The following FRMD6 variants were observed in gnomAD, a reference collection of about 807,000 sequenced individuals.
FRMD6 encodes FERM domain containing 6, also known as FERM domain-containing protein 6.
In FRMD6, 37 loss-of-function variants were observed where a neutral mutation model predicts 73.2. That is an observed-to-expected ratio of 0.51 (90% CI 0.39 to 0.66). The LOEUF is 0.66. Among genes scored for constraint, FRMD6 ranks in the 30% least tolerant of loss-of-function variants. The pLI is 0.00. For synonymous variants in FRMD6, 273 were observed against 282.2 expected (o/e 0.97, Z 0.33); for missense variants, 714 against 780.5 (o/e 0.91, Z 1.02).
chr14:51,699,863 A>G (rs1484822291), intron 3 of FRMD6, among the ~76,000 whole-genome samples: 2 of 151,990 alleles, frequency 1.3e-5, no homozygotes, highest in African/African-American at 2.4e-5. Flanking sequence ...GGTCTTGTTT[A>G]TTTCATGTTT....
At chr14:51,708,308 A>C in intron 7 of FRMD6, 75 bp downstream of exon 7, 1 of 1,336,698 alleles carries the variant, frequency 7.5e-7, no homozygotes, top group Non-Finnish European at 1.0e-6. Flanking sequence ...GGAAAACCGA[A>C]GGATTTCATT....
At chr14:51,463,114 C>T in the FRMD6 span, among the ~76,000 whole-genome samples, 31 of 152,212 alleles carry the variant, frequency 2.0e-4, no homozygotes, top group African/African-American at 7.5e-4. Context: ...CTTTCCCTAT[C>T]GCATTCAACC....
chr14:51,540,699 A>G (rs1426129718), intron 1 of FRMD6, among the ~76,000 whole-genome samples: 1 of 120,706 alleles, frequency 8.3e-6, no homozygotes, highest in Non-Finnish European at 1.6e-5. Flanking sequence ...ACAAATATTT[A>G]TAGTACTTAA....
intron 12 of FRMD6, among the ~76,000 whole-genome samples, chr14:51,722,507 G>GT (rs1263558957): frequency 6.6e-6 from 1 of 151,952 alleles, no homozygotes; most frequent in Non-Finnish European, 1.5e-5. Context: ...GGGTTTTTTT[G>GT]TTTTTTGTTT....
intron 2 of FRMD6, among the ~76,000 whole-genome samples, chr14:51,631,190 CG>C (rs1724068496): frequency 1.3e-5 from 2 of 152,108 alleles, no homozygotes; most frequent in South Asian, 2.1e-4. Flanking sequence ...TTGGGTAAGA[CG>C]AATCTTTACT....
rs78725021 is a variant in FRMD6 at position 51,555,966 on chromosome 14, C to G, written c.-209-14382C>G. Among the ~76,000 whole-genome samples, 743 of 152,278 alleles carry G rather than the reference C, an allele frequency of 4.9e-3. 14 individuals carry two copies. Among genetic ancestry groups the G allele is most frequent in the East Asian group, 0.029 (151 of 5,182 alleles). On this transcript the variant is annotated intron_variant, in intron 1 of 14. Coordinates refer to the FRMD6 transcript ENST00000356218. ...TTCAAAAGTTGGAACAAGAGATATG[C>G]AGAGGCACTTTATAATCACCTTTTG...
intron 2 of FRMD6, among the ~76,000 whole-genome samples, chr14:51,615,313 C>T (rs1297903996): frequency 5.3e-5 from 8 of 152,120 alleles, no homozygotes; most frequent in African/African-American, 1.9e-4. Flanking sequence ...ATCCTTATTT[C>T]TTCTATTACT....
At chr14:51,618,234 A>G (rs1890789576) in intron 2 of FRMD6, among the ~76,000 whole-genome samples, 1 of 152,202 alleles carries the variant, frequency 6.6e-6, no homozygotes, top group Admixed American at 6.5e-5. Context: ...GGATGAAAAG[A>G]AACTGGTCAG....
the FRMD6 span, among the ~76,000 whole-genome samples, chr14:51,465,344 T>C: frequency 2.1e-4 from 32 of 152,324 alleles, no homozygotes; most frequent in African/African-American, 7.7e-4. Flanking sequence ...TTTTGACATT[T>C]GTATGCATGC....
At chr14:51,542,859 T>A (rs1258751328) in intron 1 of FRMD6, among the ~76,000 whole-genome samples, 1 of 152,090 alleles carries the variant, frequency 6.6e-6, no homozygotes, top group African/African-American at 2.4e-5. Context: ...TGCATTTTCC[T>A]AATGACTAGT....
chr14:51,710,673 G>A (rs1896892896), intron 7 of FRMD6, among the ~76,000 whole-genome samples: 1 of 152,114 alleles, frequency 6.6e-6, no homozygotes, highest in South Asian at 2.1e-4. Flanking sequence ...GGGAAAGCTG[G>A]CACTAAGCTT....
intron 1 of FRMD6, among the ~76,000 whole-genome samples, chr14:51,495,850 A>G (rs1477143570): frequency 6.6e-6 from 1 of 152,246 alleles, no homozygotes; most frequent in Non-Finnish European, 1.5e-5. Context: ...TGATATGGGA[A>G]AATTAATCCC....
intron 1 of FRMD6, among the ~76,000 whole-genome samples, chr14:51,672,201 G>T (rs1487840508): frequency 2.0e-5 from 3 of 152,186 alleles, no homozygotes; most frequent in Non-Finnish European, 4.4e-5. Context: ...GATATTCAAG[G>T]CATTTTGCTT....
At chr14:51,426,920 C>T in the FRMD6 span, among the ~76,000 whole-genome samples, 2 of 152,164 alleles carry the variant, frequency 1.3e-5, no homozygotes, top group Admixed American at 1.3e-4. Flanking sequence ...GCTGACAGAG[C>T]AGAATTTGCC....
the FRMD6 span, among the ~76,000 whole-genome samples, chr14:51,459,884 C>CTTTTTTTTTTTTTTTTTTTTTTTTT: frequency 1.3e-5 from 1 of 74,650 alleles, no homozygotes; most frequent in African/African-American, 5.8e-5. Context: ...TACTGACTCT[C>CTTTTTTTTTTTTTTTTTTTTTTTTT]TTTTTTTTTT....
chr14:51,619,400 G>A (rs2139912469), intron 2 of FRMD6, among the ~76,000 whole-genome samples: 1 of 151,588 alleles, frequency 6.6e-6, no homozygotes, highest in South Asian at 2.1e-4. Context: ...AAAGAGGAAA[G>A]GAAAAGAAGA....
chr14:51,415,506 C>A, the FRMD6 span, among the ~76,000 whole-genome samples: 2 of 152,266 alleles, frequency 1.3e-5, no homozygotes, highest in East Asian at 3.9e-4. Flanking sequence ...ATGAAGCTGA[C>A]TTGATTGTGG....
the FRMD6 span, among the ~76,000 whole-genome samples, chr14:51,443,616 C>T: frequency 6.6e-6 from 1 of 152,198 alleles, no homozygotes; most frequent in Non-Finnish European, 1.5e-5. Flanking sequence ...ACAAATGATG[C>T]ACAGGATGAG....
intron 7 of FRMD6, 182 bp downstream of exon 7, chr14:51,708,415 T>C: frequency 1.7e-6 from 1 of 583,018 alleles, no homozygotes; most frequent in African/African-American, 1.9e-5. Flanking sequence ...CATGGTGCTT[T>C]TACTCTGGCC....
Sources: gnomAD v4.1 joint callset for allele counts (sites outside exome capture counted in the v4.1 genomes callset) on GRCh38, gnomAD v4.1.1 for gene constraint, MANE v1.5 for transcripts, NCBI Gene and HGNC (gene_info 2026-07-23, HGNC 2026-07-21) for gene names.